PRPF19: variants seen among roughly 807,000 people sequenced by gnomAD.
PRPF19 encodes pre-mRNA-processing factor 19.
Under a neutral mutation model 64.2 loss-of-function variants are expected in PRPF19, and 2 were observed. The ratio of observed to expected loss-of-function variants is 0.03; its 90% CI spans 0.01 to 0.10. The LOEUF (loss-of-function observed/expected upper bound fraction) is 0.10, where lower values mean the gene tolerates loss of function less well. Among genes scored for constraint, PRPF19 ranks in the 10% least tolerant of loss-of-function variants. The pLI is 1.00. For synonymous variants in PRPF19, 226 were observed against 251.6 expected, an observed-to-expected ratio of 0.90 and a Z score of 0.96; for missense variants, 314 against 650.0, an observed-to-expected ratio of 0.48 and a Z score of 5.62.
chr11:60,896,604 G>C (rs1855922845), intron 15 of PRPF19, among the ~76,000 whole-genome samples: 1 of 152,208 alleles, frequency 6.6e-6, no homozygotes, highest in Non-Finnish European at 1.5e-5. Context: ...GCCATGTAAA[G>C]AAAGACATGT....
chr11:60,894,725 A>G (rs918800372), intron 15 of PRPF19, among the ~76,000 whole-genome samples: 2 of 152,186 alleles, frequency 1.3e-5, no homozygotes, highest in African/African-American at 2.4e-5. Context: ...AGATCCATCA[A>G]AGGAACCACT....
intron 15 of PRPF19, among the ~76,000 whole-genome samples, chr11:60,895,760 G>A (rs1238985918): frequency 6.6e-6 from 1 of 152,110 alleles, no homozygotes; most frequent in Non-Finnish European, 1.5e-5. Flanking sequence ...TGGACACCGA[G>A]AGGCCATAAT....
intron 1 of PRPF19, among the ~76,000 whole-genome samples, chr11:60,904,084 T>C (rs1265111395): frequency 2.0e-5 from 3 of 152,200 alleles, no homozygotes; most frequent in Non-Finnish European, 4.4e-5. Flanking sequence ...GTCTCCTGAC[T>C]ATCTGACAAT....
rs768635964 is a variant in PRPF19 at position 60,898,268 on chromosome 11, G to A, written c.1144C>T (p.Arg382Cys). The A allele has an allele frequency of 2.5e-6, 4 of 1,612,946 alleles. No individual in the cohort carries two copies. Among genetic ancestry groups the A allele is most frequent in the South Asian group, 2.2e-5 (2 of 90,986 alleles). Residue 382 changes from arginine (R) to cysteine (C), a missense_variant, in exon 14 of 16, where the codon CGT becomes TGT. This residue lies in a region of PRPF19 where 175 missense variants were observed against 342.9 expected (regional missense o/e 0.51). Transcript: ENST00000227524. The surrounding 1 kb of genome is among the most constrained non-coding windows in gnomAD (Gnocchi z 4.6). ...CCAGGGAAGTTGGCCACATTAGTAC[G>A]TTCCTACAGTGGCGGTGGGTAGTAA... ...SQIKIWDLKE[R>C]TNVANFPGHS...
At chr11:60,895,806 G>A (rs1336074497) in intron 15 of PRPF19, among the ~76,000 whole-genome samples, 3 of 151,998 alleles carry the variant, frequency 2.0e-5, no homozygotes, top group Non-Finnish European at 2.9e-5. Context: ...ATATTGTTGT[G>A]TCTAAGGAAA....
Position 60,902,809 on chromosome 11 carries a change from G to T in PRPF19, c.319C>A (p.Leu107Met), listed in dbSNP as rs746512844. 2.8e-5 allele frequency: 45 copies of T among 1,614,076 alleles called. No homozygotes were observed. The highest frequency in any genetic ancestry group is 3.6e-5 in the Non-Finnish European group (43 of 1,180,024). Residue 107 changes from leucine (L) to methionine (M), a missense_variant, in exon 4 of 16, where the codon CTG becomes ATG. Transcript: ENST00000227524. This position sits in a 1 kb window ranked among gnomAD's most constrained non-coding sequence, Gnocchi z 5.0. ...CGGCAGGCGGCATCGTGCTGGTACA[G>T]AGCGTGTGACAGCTCTTGGCGGGTT... Reference protein sequence around the residue: ...QTTRQELSHALYQHDAACRVI... With the variant: ...QTTRQELSHAMYQHDAACRVI...
At chr11:60,901,691 T>C (rs897383766) in intron 6 of PRPF19, 151 bp from the exon 7 acceptor site, 5 of 870,378 alleles carry the variant, frequency 5.7e-6, no homozygotes, top group Non-Finnish European at 8.8e-6. Flanking sequence ...TCTCTCTTCT[T>C]ACTTCCATCC....
chr11:60,906,458 G>A lies in PRPF19; in HGVS notation c.-76C>T, dbSNP rs1281181186. On this transcript the variant is annotated 5_prime_UTR_variant, in exon 1 of 16. Coordinates refer to ENST00000227524, the MANE Select transcript of PRPF19 (RefSeq NM_014502.5). ...TTCTGAGCCTCCGCGAGCCACTTCC[G>A]GTCCCCCGCTGCTGCCGGGACTGCT... 122 of 1,468,326 alleles carry A rather than the reference G, an allele frequency of 8.3e-5. No individual in the cohort carries two copies. Among genetic ancestry groups the A allele is most frequent in the Non-Finnish European group, 1.1e-4 (116 of 1,083,424 alleles). 91.0% of individuals were successfully genotyped at this position (1,468,326 alleles called of 1,614,324 possible).
At position 60,891,097 on chromosome 11, in the gene PRPF19, C is replaced by G. The variant is rs1244832452; in HGVS notation, c.*69G>C. ...CCTCCCCCCATAGATTCCCCCCACCCCCCCCCCCAAACCCTAATTCTACCC... is the reference window on the plus strand; with the variant it reads ...CCTCCCCCCATAGATTCCCCCCACCGCCCCCCCCAAACCCTAATTCTACCC... On this transcript the variant is annotated 3_prime_UTR_variant, in exon 16 of 16. Transcript: ENST00000227524. The G allele has an allele frequency of 2.4e-5, 6 of 245,828 alleles. No homozygotes were observed. Among genetic ancestry groups the G allele is most frequent in the African/African-American group, 2.2e-4 (4 of 18,522 alleles). 15.2% of individuals were successfully genotyped at this position (245,828 alleles called of 1,614,324 possible).
At chr11:60,894,335 T>C (rs1398163116) in intron 15 of PRPF19, among the ~76,000 whole-genome samples, 1 of 152,244 alleles carries the variant, frequency 6.6e-6, no homozygotes, top group African/African-American at 2.4e-5. Flanking sequence ...TTATGTAATA[T>C]TCTAAATCCT....
At chr11:60,897,807 C>A in intron 15 of PRPF19, 39 bp downstream of exon 15, 9 of 1,567,790 alleles carry the variant, frequency 5.7e-6, no homozygotes, top group Non-Finnish European at 7.9e-6. Context: ...CGGGCCTGGG[C>A]ACCTAGAGAG....
chr11:60,896,862 C>T (rs976061116), intron 15 of PRPF19, among the ~76,000 whole-genome samples: 2 of 152,040 alleles, frequency 1.3e-5, no homozygotes. Context: ...GCTTATAGAA[C>T]AAGGATGTAA....
In PRPF19 at chr11:60,900,640, A is replaced by T; in HGVS notation, c.770T>A (p.Leu257Gln). The change falls in exon 10 of 16, where the codon CTG (leucine) becomes CAG (glutamine). Residue 257 changes from leucine to glutamine, a missense_variant. Leu to Gln is a moderately radical substitution (Grantham distance 113, BLOSUM62 -2). Transcript: ENST00000227524. ...CTTGGTATGGCCTTTGAGGGTAGCCAGGATTTGTTCAGAACTTTTGTCAAA... is the reference window on the plus strand; with the variant it reads ...CTTGGTATGGCCTTTGAGGGTAGCCTGGATTTGTTCAGAACTTTTGTCAAA... ...VVFDKSSEQI[L>Q]ATLKGHTKKV... 1 of 1,559,270 alleles carries T rather than the reference A, an allele frequency of 6.4e-7. No homozygotes were observed. Among genetic ancestry groups the T allele is most frequent in the African/African-American group, 1.4e-5 (1 of 73,742 alleles).
rs113825316 is a variant in PRPF19, at chr11:60,898,083, G to A, written c.1311+18C>T. The A allele has an allele frequency of 4.3e-5, 69 of 1,611,236 alleles. 2 individuals are homozygous for A. Among genetic ancestry groups the A allele is most frequent in the African/African-American group, 3.7e-4 (28 of 74,880 alleles). ...AAGGAGACACAATGGAAAGCTGGGCGGAGGGGGAAGGGCACACCTCAAAGT... is the reference window on the plus strand; with the variant it reads ...AAGGAGACACAATGGAAAGCTGGGCAGAGGGGGAAGGGCACACCTCAAAGT... On this transcript the variant is annotated intron_variant, in intron 14 of 15. Coordinates refer to ENST00000227524, the MANE Select transcript of PRPF19 (RefSeq NM_014502.5). The surrounding 1 kb of genome is among the most constrained non-coding windows in gnomAD (Gnocchi z 4.6).
rs960907653 is a variant in PRPF19, at chr11:60,903,688, T to C, written c.169+24A>G. The C allele has an allele frequency of 3.8e-6, 6 of 1,583,728 alleles. No individual in the cohort carries two copies. In the African/African-American group the frequency reaches 5.5e-5, roughly 14 times the overall value. ...CTCAGGCTCTGAGCTAAGATGGCCC[T>C]AGACTAAGGCAGCCAATAGGCACCT... On this transcript the variant is annotated intron_variant, in intron 2 of 15. Coordinates refer to ENST00000227524, the MANE Select transcript of PRPF19 (RefSeq NM_014502.5).
chr11:60,891,068 G>GGCCC lies in PRPF19; in HGVS notation c.*97_*98insGGGC. The GGCCC allele has an allele frequency of 1.5e-4, 32 of 215,890 alleles. No individual in the cohort carries two copies. The highest frequency in any genetic ancestry group is 1.7e-4 in the South Asian group (5 of 29,640). The allele number at this position is 215,890 out of a possible 1,614,324, so 13.4% of individuals were successfully genotyped here. A position where few individuals can be genotyped will look rare whatever the true frequency, so the allele number is the denominator to read the frequency against. On this transcript the variant is annotated 3_prime_UTR_variant, in exon 16 of 16. Coordinates refer to ENST00000227524, the MANE Select transcript of PRPF19 (RefSeq NM_014502.5). ...TGATGTGAATGTCCCACCCCACAGA[G>GGCCC]CCCCCTCCCCCCATAGATTCCCCCC... is the stretch of plus-strand genomic sequence containing the variant.
At chr11:60,896,654 C>T (rs928322430) in intron 15 of PRPF19, among the ~76,000 whole-genome samples, 1 of 152,144 alleles carries the variant, frequency 6.6e-6, no homozygotes, top group Non-Finnish European at 1.5e-5. Flanking sequence ...TTCCTGAGGC[C>T]TCCCGAGTCA....
At position 60,899,541 on chromosome 11, in the gene PRPF19, G is replaced by C. The variant is rs79339368; in HGVS notation, c.829-237C>G. Among the ~76,000 whole-genome samples, 1,517 of 152,322 alleles carry C rather than the reference G, an allele frequency of 1.0e-2. 28 individuals are homozygous for C. The highest frequency in any genetic ancestry group is 0.034 in the African/African-American group (1,424 of 41,558). On this transcript the variant is annotated intron_variant, in intron 10 of 15. Coordinates refer to ENST00000227524, the MANE Select transcript of PRPF19 (RefSeq NM_014502.5). The stretch of plus-strand genomic sequence containing the variant: ...GTGGAGGCGTCCTCGCCATCTAGTG[G>C]TAAAAAGGCTAACTGCAACAGAGAG...
intron 15 of PRPF19, among the ~76,000 whole-genome samples, chr11:60,895,214 C>T (rs946614254): frequency 2.0e-5 from 3 of 152,244 alleles, no homozygotes; most frequent in African/African-American, 4.8e-5. Flanking sequence ...GAAGGCTATT[C>T]CGTCTACATT....
Sources: gnomAD v4.1 joint callset for allele counts (sites outside exome capture counted in the v4.1 genomes callset) on GRCh38, gnomAD v4.1.1 for gene constraint, gnomAD v4.1.1 regional missense constraint, Gnocchi (gnomAD v3.1) non-coding constraint, MANE v1.5 for transcripts, NCBI Gene and HGNC (gene_info 2026-07-23, HGNC 2026-07-21) for gene names.